PCDHGA3: variants seen among roughly 807,000 people sequenced by gnomAD.
PCDHGA3 encodes protocadherin gamma-A3.
PCDHGA3 carries 40 observed loss-of-function variants against 58.5 expected under a neutral mutation model. That is an observed-to-expected ratio of 0.68 (90% CI 0.53 to 0.89). The LOEUF (loss-of-function observed/expected upper bound fraction) is 0.89, where lower values mean the gene tolerates loss of function less well. PCDHGA3 is among the 40% of genes least tolerant of loss of function. The pLI, the probability that PCDHGA3 is intolerant of heterozygous loss-of-function variation, is 0.00. For synonymous variants in PCDHGA3, 530 were observed against 525.7 expected, an observed-to-expected ratio of 1.01 and a Z score of -0.11; for missense variants, 1,223 against 1,195.9, an observed-to-expected ratio of 1.02 and a Z score of -0.33.
chr5:141,451,993 C>G (rs1235806360), intron 1 of PCDHGA3, among the ~76,000 whole-genome samples: 4 of 152,164 alleles, frequency 2.6e-5, no homozygotes, highest in African/African-American at 7.2e-5. Context: ...TCATTAGAAG[C>G]AAAATCACTT....
chr5:141,458,698 T>C (rs1258294275), intron 1 of PCDHGA3, among the ~76,000 whole-genome samples: 1 of 152,054 alleles, frequency 6.6e-6, no homozygotes, highest in East Asian at 1.9e-4. Context: ...GCCTCCCGAG[T>C]AGCTGGGATT....
rs553276457 is a variant in PCDHGA3 at position 141,480,179 on chromosome 5, G to A, written c.2425-14628G>A. Among the ~76,000 whole-genome samples, 10 of 152,058 alleles carry A rather than the reference G, an allele frequency of 6.6e-5. No individual in the cohort carries two copies. In the South Asian group the frequency reaches 8.3e-4, roughly 13 times the overall value. On this transcript the variant is annotated intron_variant, in intron 1 of 3. Transcript: ENST00000253812. ...AGCATTTTGGGAGGCTGAGGCAGGC[G>A]GATTGCTTGAGGCCAGCAGTTCAAG... is the stretch of plus-strand genomic sequence containing the variant.
chr5:141,363,649 G>T (rs1045125812), intron 1 of PCDHGA3, among the ~76,000 whole-genome samples: 1 of 152,184 alleles, frequency 6.6e-6, no homozygotes, highest in East Asian at 1.9e-4. Flanking sequence ...AAGTAACAAA[G>T]ATCTTTATTT....
chr5:141,439,629 A>G (rs1262264623), intron 1 of PCDHGA3, among the ~76,000 whole-genome samples: 1 of 152,208 alleles, frequency 6.6e-6, no homozygotes, highest in East Asian at 1.9e-4. Flanking sequence ...CAATCCCCAG[A>G]CATTCCGGCT....
At chr5:141,413,958 G>C in intron 1 of PCDHGA3, 1 of 1,613,392 alleles carries the variant, frequency 6.2e-7, no homozygotes, top group African/African-American at 1.3e-5. Flanking sequence ...ATTTGCCTGT[G>C]GGCACTCAGC....
chr5:141,388,453 A>G (rs556619446), intron 1 of PCDHGA3: 1 of 1,613,846 alleles, frequency 6.2e-7, no homozygotes, highest in East Asian at 2.2e-5. Flanking sequence ...GATGGCAGTA[A>G]ATACCCTGAG....
intron 1 of PCDHGA3, among the ~76,000 whole-genome samples, chr5:141,407,446 C>T (rs1314408901): frequency 6.7e-6 from 1 of 149,410 alleles, no homozygotes. Context: ...AACCAGAACA[C>T]GAGGCTCACC....
chr5:141,359,398 T>A (rs913400930), intron 1 of PCDHGA3, among the ~76,000 whole-genome samples: 8 of 152,004 alleles, frequency 5.3e-5, no homozygotes, highest in Non-Finnish European at 7.4e-5. Flanking sequence ...TAAAATCAAA[T>A]TTTTTAAAAA....
chr5:141,372,395 C>G (rs1768730158), intron 1 of PCDHGA3: 1 of 1,613,942 alleles, frequency 6.2e-7, no homozygotes, highest in Admixed American at 1.7e-5. Context: ...TCGCAGATAG[C>G]TTGCAAGAGA....
intron 1 of PCDHGA3, chr5:141,403,277 C>G (rs2094385466): frequency 6.2e-7 from 1 of 1,613,750 alleles, no homozygotes; most frequent in Admixed American, 1.7e-5. Context: ...CTTTAAAGTC[C>G]TGGTTGAAGA....
intron 1 of PCDHGA3, chr5:141,410,478 C>T (rs767257836): frequency 1.9e-6 from 3 of 1,613,992 alleles, no homozygotes; most frequent in Non-Finnish European, 2.5e-6. Flanking sequence ...ATTGCACATA[C>T]GGGTACAAAA....
In PCDHGA3 at chr5:141,409,573, C is replaced by A. The variant is rs562811168; in HGVS notation, c.2424+63116C>A. 7 of 1,613,816 alleles carry A rather than the reference C, an allele frequency of 4.3e-6. No individual in the cohort carries two copies. In the Admixed American group the frequency reaches 1.2e-4, roughly 27 times the overall value. ...CCCCAGTTTTCGACCAGACGTCCTA[C>A]GTGGTCCACGTGGCCGAGAACAACC... On this transcript the variant is annotated intron_variant, in intron 1 of 3. Transcript: ENST00000253812.
chr5:141,365,924 G>T, intron 1 of PCDHGA3: 1 of 1,614,212 alleles, frequency 6.2e-7, no homozygotes, highest in Non-Finnish European at 8.5e-7. Flanking sequence ...ACAGTTGTGG[G>T]TGACAGCCAG....
At chr5:141,456,599 A>T (rs2098870253) in intron 1 of PCDHGA3, among the ~76,000 whole-genome samples, 1 of 152,174 alleles carries the variant, frequency 6.6e-6, no homozygotes, top group African/African-American at 2.4e-5. Flanking sequence ...TTTTGATTTG[A>T]TTTTTAAGTC....
In PCDHGA3 at chr5:141,408,459, T is replaced by A; in HGVS notation, c.2424+62002T>A. 5 of 1,613,950 alleles carry A rather than the reference T, an allele frequency of 3.1e-6. No homozygotes were observed. The East Asian group carries it at 1.1e-4, about 36-fold the overall frequency. Reference sequence around the variant, plus strand: ...GACGCGGAGAGCGGGGACTTACTTGTGAAGAACCGAATAGACCGTGAGCAA... The same window carrying A: ...GACGCGGAGAGCGGGGACTTACTTGAGAAGAACCGAATAGACCGTGAGCAA... On this transcript the variant is annotated intron_variant, in intron 1 of 3. Transcript: ENST00000253812.
At chr5:141,351,653 G>C (rs1425916218) in intron 1 of PCDHGA3, 2 of 1,613,878 alleles carry the variant, frequency 1.2e-6, no homozygotes, top group South Asian at 1.1e-5. Flanking sequence ...CCCACCTGGC[G>C]CCTCCATTGC....
chr5:141,425,834 C>A (rs925446924), intron 1 of PCDHGA3, among the ~76,000 whole-genome samples: 1 of 152,220 alleles, frequency 6.6e-6, no homozygotes, highest in Non-Finnish European at 1.5e-5. Context: ...CTTTTAAATT[C>A]TCTTTGCTGG....
Position 141,344,707 on chromosome 5 carries a change from A to T in PCDHGA3, c.674A>T (p.Asn225Ile). 1.2e-6 allele frequency: 2 copies of T among 1,613,974 alleles called. No homozygotes were observed. Among genetic ancestry groups the T allele is most frequent in the Non-Finnish European group, 1.7e-6 (2 of 1,179,886 alleles). The change falls in exon 1 of 4, where the codon AAC becomes ATC. Residue 225 changes from asparagine (N) to isoleucine (I), a missense_variant. Transcript: ENST00000253812. ...SDGGDPVHSG[N>I]LHIQVIVLDA... ...GGTGGCGACCCTGTCCACTCTGGCA[A>T]CTTGCACATCCAAGTGATAGTCCTG...
At chr5:141,381,244 C>T (rs554184818) in intron 1 of PCDHGA3, among the ~76,000 whole-genome samples, 2 of 152,360 alleles carry the variant, frequency 1.3e-5, no homozygotes, top group African/African-American at 4.8e-5. Flanking sequence ...TCTCCAGGAC[C>T]TAGAAGAATT....
Sources: allele counts gnomAD v4.1 joint callset (sites outside exome capture counted in the v4.1 genomes callset), GRCh38; gene constraint gnomAD v4.1.1; transcripts MANE v1.5; gene names NCBI Gene and HGNC (gene_info 2026-07-23, HGNC 2026-07-21).